The following AHRR variants were observed in gnomAD, a reference collection of about 807,000 sequenced individuals.
AHRR encodes the protein ahR repressor.
AHRR carries 28 observed loss-of-function variants against 44.0 expected under a neutral mutation model. That is an observed-to-expected ratio of 0.64 (90% CI 0.47 to 0.87). The LOEUF (loss-of-function observed/expected upper bound fraction) is 0.87. Ranked by LOEUF, AHRR falls within the 40% of genes least tolerant of loss-of-function variation. The pLI is 0.00. For synonymous variants in AHRR, 434 were observed against 407.0 expected, an observed-to-expected ratio of 1.07 and a Z score of -0.80; for missense variants, 990 against 953.9, an observed-to-expected ratio of 1.04 and a Z score of -0.50.
At chr5:359,294 AC>A (rs1743086483) in intron 3 of AHRR, among the ~76,000 whole-genome samples, 1 of 38,246 alleles carries the variant, frequency 2.6e-5, no homozygotes, top group East Asian at 5.4e-4. Flanking sequence ...CACGGAGTCC[AC>A]CCGGGCAGTC....
intron 8 of AHRR, among the ~76,000 whole-genome samples, chr5:429,361 C>T (rs1005390631): frequency 6.6e-6 from 1 of 152,212 alleles, no homozygotes; most frequent in African/African-American, 2.4e-5. Context: ...AACTTCCTCT[C>T]AGAGAATCGT....
chr5:343,284 C>CG lies in AHRR; in HGVS notation c.-10-605dup, dbSNP rs1238704648. On this transcript the variant is annotated intron_variant, in intron 1 of 10. Transcript: ENST00000684583. ...GAACACGGGACCCCACATACCTTTT[C>CG]GGGGTGACGTGAACACAGAACCCCA... 1.5e-3 allele frequency among the ~76,000 whole-genome samples: 208 copies of CG among 137,268 alleles called. 1 individual carries two copies. The highest frequency in any genetic ancestry group is 4.9e-3 in the African/African-American group (191 of 39,144). The allele number at this position is 137,268 out of a possible 152,430, so 90.1% of individuals were successfully genotyped here.
At chr5:325,820 T>TTG (rs1560875432) in intron 1 of AHRR, among the ~76,000 whole-genome samples, 1 of 152,210 alleles carries the variant, frequency 6.6e-6, no homozygotes, top group African/African-American at 2.4e-5. Flanking sequence ...CCAGCTCTTG[T>TTG]TGCCCAGGCT....
At chr5:402,242 G>A (rs1250958923) in intron 4 of AHRR, among the ~76,000 whole-genome samples, 9 of 152,242 alleles carry the variant, frequency 5.9e-5, no homozygotes, top group Admixed American at 4.6e-4. Flanking sequence ...AACCGTCAGC[G>A]AGCTCCTCTC....
chr5:353,447 G>A (rs185350964), intron 2 of AHRR, among the ~76,000 whole-genome samples: 204 of 152,284 alleles, frequency 1.3e-3, no homozygotes, highest in African/African-American at 4.7e-3. Flanking sequence ...TCCCGCAGCT[G>A]GGGGCCGTGC....
chr5:390,138 A>T (rs1199099092), intron 4 of AHRR, among the ~76,000 whole-genome samples: 1 of 152,190 alleles, frequency 6.6e-6, no homozygotes, highest in Non-Finnish European at 1.5e-5. Flanking sequence ...CATCTGTGGC[A>T]CAACGCGGGG....
intron 1 of AHRR, chr5:343,587 G>A: frequency 5.0e-6 from 2 of 397,232 alleles, no homozygotes; most frequent in East Asian, 5.2e-5. Flanking sequence ...TCCTCAGGAC[G>A]CCGGTCTCCC....
chr5:401,600 C>G (rs1735016518), intron 4 of AHRR, among the ~76,000 whole-genome samples: 1 of 152,214 alleles, frequency 6.6e-6, no homozygotes, highest in South Asian at 2.1e-4. Flanking sequence ...AGCTGTGAAG[C>G]CAGGGCAGGC....
At chr5:386,685 G>C (rs1270426155) in intron 4 of AHRR, among the ~76,000 whole-genome samples, 1 of 152,246 alleles carries the variant, frequency 6.6e-6, no homozygotes, top group Non-Finnish European at 1.5e-5. Flanking sequence ...CGGGTCTGTA[G>C]GGAATGTGTT....
intron 3 of AHRR, among the ~76,000 whole-genome samples, chr5:372,312 G>C (rs527935631): frequency 6.6e-6 from 1 of 152,242 alleles, no homozygotes; most frequent in South Asian, 2.1e-4. Flanking sequence ...CTCCTTCCCA[G>C]CCAAGGTGCT....
rs117525331 is a variant in AHRR, at chr5:406,917, A to T, written c.352-6427A>T. ...CAGGCAATAATAACAAAGTTTCTTA[A>T]TAGGGCACCAGTTATTGAAAAGCCT... On this transcript the variant is annotated intron_variant, in intron 4 of 10. Coordinates refer to ENST00000684583, the MANE Select transcript of AHRR (RefSeq NM_001377236.1). The surrounding 1 kb of genome is among the most constrained non-coding windows in gnomAD (Gnocchi z 4.7). 5.8e-3 allele frequency among the ~76,000 whole-genome samples: 882 copies of T among 152,336 alleles called. 20 individuals carry two copies. Among genetic ancestry groups the T allele is most frequent in the East Asian group, 0.025 (132 of 5,190 alleles).
rs1226450923 is a variant in AHRR, at chr5:419,470, A to T, written c.442-3259A>T. ...GCGTGAACCACTGTGCCCGGCTGAG[A>T]GTTTTAGTCTTTTAAGCAACATTTA... On this transcript the variant is annotated intron_variant, in intron 5 of 10. Coordinates refer to ENST00000684583, the MANE Select transcript of AHRR (RefSeq NM_001377236.1). This position sits in a 1 kb window ranked among gnomAD's most constrained non-coding sequence, Gnocchi z 4.4. Among the ~76,000 whole-genome samples the T allele has an allele frequency of 2.6e-5, 4 of 152,116 alleles. No individual in the cohort carries two copies. Among genetic ancestry groups the T allele is most frequent in the Non-Finnish European group, 5.9e-5 (4 of 68,012 alleles).
In AHRR at chr5:434,304, C is replaced by G. The variant is rs771702905; in HGVS notation, c.1564C>G (p.Leu522Val). 1.2e-6 allele frequency: 2 copies of G among 1,610,130 alleles called. No homozygotes were observed. The highest frequency in any genetic ancestry group is 8.5e-7 in the Non-Finnish European group (1 of 1,178,068). Residue 522 changes from leucine (L) to valine (V), a missense_variant, in exon 11 of 11, where the codon CTG (leucine) becomes GTG (valine). Physicochemically the swap from Leu to Val is conservative, Grantham distance 32 (BLOSUM62 1). Coordinates refer to ENST00000684583, the MANE Select transcript of AHRR (RefSeq NM_001377236.1). ...LQGVPMPPGDLCGPTLLLDVS... is the reference protein window; with the variant it reads ...LQGVPMPPGDVCGPTLLLDVS... ...AGGTGTACCGATGCCTCCGGGGGAC[C>G]TGTGTGGTCCGACGCTGCTGCTAGA...
intron 3 of AHRR, among the ~76,000 whole-genome samples, chr5:362,234 A>G (rs1021017767): frequency 6.6e-6 from 1 of 152,246 alleles, no homozygotes; most frequent in Non-Finnish European, 1.5e-5. Flanking sequence ...TCCACAAGCC[A>G]AGAAGAGAGC....
At chr5:389,490 C>T (rs914161869) in intron 4 of AHRR, among the ~76,000 whole-genome samples, 1 of 152,180 alleles carries the variant, frequency 6.6e-6, no homozygotes, top group Admixed American at 6.5e-5. Flanking sequence ...ATGCGTGATG[C>T]AGCTGGACGT....
At position 434,184 on chromosome 5, in the gene AHRR, C is replaced by G; in HGVS notation, c.1444C>G (p.His482Asp). 3 of 1,595,726 alleles carry G rather than the reference C, an allele frequency of 1.9e-6. No individual in the cohort carries two copies. Among genetic ancestry groups the G allele is most frequent in the Non-Finnish European group, 2.6e-6 (3 of 1,171,194 alleles). ...GGACCAGGTGCACCCTCCCCTCTGC[C>G]ACTTTCCCCAGAGGAGCCTGCAGCA... The part of the protein sequence containing the change: ...GEDQVHPPLC[H>D]FPQRSLQHQL... Residue 482 changes from histidine to aspartate, a missense_variant, in exon 11 of 11, where the codon CAC (histidine) becomes GAC (aspartate). Physicochemically the swap from His to Asp is moderately conservative, Grantham distance 81. Transcript: ENST00000684583.
intron 4 of AHRR, among the ~76,000 whole-genome samples, chr5:381,156 C>T (rs1422972821): frequency 6.6e-6 from 1 of 152,240 alleles, no homozygotes; most frequent in Non-Finnish European, 1.5e-5. Context: ...GCCAGTGGAA[C>T]TGACCCACAT....
At chr5:412,622 G>GA (rs1277414023) in intron 4 of AHRR, among the ~76,000 whole-genome samples, 3 of 151,218 alleles carry the variant, frequency 2.0e-5, no homozygotes, top group African/African-American at 7.3e-5. Context: ...TGCATCATCA[G>GA]AAAATCTATC....
chr5:372,566 A>G (rs535513852), intron 3 of AHRR, among the ~76,000 whole-genome samples: 125 of 152,004 alleles, frequency 8.2e-4, no homozygotes, highest in African/African-American at 2.9e-3. Flanking sequence ...TCAGCCCTGC[A>G]CAGAGCAGGA....
Sources: gnomAD v4.1 joint callset for allele counts (sites outside exome capture counted in the v4.1 genomes callset) on GRCh38, gnomAD v4.1.1 for gene constraint, Gnocchi (gnomAD v3.1) non-coding constraint, MANE v1.5 for transcripts, NCBI Gene and HGNC (gene_info 2026-07-23, HGNC 2026-07-21) for gene names.